The following TTN variants were observed in gnomAD, a reference collection of about 807,000 sequenced individuals.
The protein encoded by TTN is titin, also known as connectin.
TTN carries 1,525 observed loss-of-function variants against 3,223.0 expected under a neutral mutation model. The ratio of observed to expected loss-of-function variants is 0.47; its 90% confidence interval spans 0.45 to 0.49. The LOEUF (loss-of-function observed/expected upper bound fraction) is 0.49. Ranked by LOEUF, TTN falls within the 20% of genes least tolerant of loss-of-function variation. TTN has a pLI of 0.00. For missense variants in TTN, 40,786 were observed against 43,424.0 expected (o/e 0.94, Z 5.40); for synonymous variants, 14,094 against 15,161.0 (o/e 0.93, Z 5.17).
intron 288 of TTN, 153 bp downstream of exon 288, chr2:178,600,701 G>A: frequency 1.2e-6 from 1 of 863,136 alleles, no homozygotes; most frequent in South Asian, 1.4e-5. Flanking sequence ...GGAAATTGAA[G>A]GAATGAGTAA....
chr2:178,544,596 T>A, intron 344 of TTN, 90 bp from the exon 345 acceptor site: 1 of 1,127,906 alleles, frequency 8.9e-7, no homozygotes, highest in Non-Finnish European at 1.3e-6. Flanking sequence ...CACAAAGGCA[T>A]TATTGCTCTT....
chr2:178,729,728 A>C lies in TTN; in HGVS notation c.18525T>G (p.Thr6175=). Reference sequence around the variant, plus strand: ...CGTCATTTCGAGCTTCACACACATAAGTCCCACTATTTTCTACCCTGGCAC... The same window carrying C: ...CGTCATTTCGAGCTTCACACACATACGTCCCACTATTTTCTACCCTGGCAC... ...ISGARVENSG[T]YVCEARNDAG... Residue 6175 remains threonine (T), a synonymous_variant, in exon 63 of 363, where the codon ACT becomes ACG. Transcript: ENST00000589042. 1 of 1,613,770 alleles carries C rather than the reference A, an allele frequency of 6.2e-7. No homozygotes were observed. The highest frequency in any genetic ancestry group is 8.5e-7 in the Non-Finnish European group (1 of 1,179,732).
Position 178,548,910 on chromosome 2 carries a change from C to T in TTN, c.92716G>A (p.Asp30906Asn), listed in dbSNP as rs534881266. The change falls in exon 339 of 363, where the codon GAC (aspartate) becomes AAC (asparagine). Residue 30906 changes from aspartate to asparagine, a missense_variant. Coordinates refer to ENST00000589042, the MANE Select transcript of TTN (RefSeq NM_001267550.2). This position sits in a 1 kb window ranked among gnomAD's most constrained non-coding sequence, Gnocchi z 4.3. ...ATTGTGCCAGTCACTTCACAGCTGT[C>T]GCCTTTTCCAGCACCATTGATAGCA... is the stretch of plus-strand genomic sequence containing the variant. Reference protein sequence around the residue: ...VSAINGAGKGDSCEVTGTIKA... With the variant: ...VSAINGAGKGNSCEVTGTIKA... 67 of 1,613,868 alleles carry T rather than the reference C, an allele frequency of 4.2e-5. No homozygotes were observed. Among genetic ancestry groups the T allele is most frequent in the Admixed American group, 8.3e-5 (5 of 60,012 alleles).
chr2:178,562,824 G>C lies in TTN; in HGVS notation c.83308C>G (p.Pro27770Ala). 6.2e-7 allele frequency: 1 copy of C among 1,612,906 alleles called. No individual in the cohort carries two copies. The highest frequency in any genetic ancestry group is 8.5e-7 in the Non-Finnish European group (1 of 1,179,482). ...NVRVLDSPSAPVNLTIREVKK... is the reference protein window; with the variant it reads ...NVRVLDSPSAAVNLTIREVKK... ...ACTTCTCTTATGGTCAAATTCACAGGGGCACTTGGTGAGTCAAGAACTCTG... is the reference window on the plus strand; with the variant it reads ...ACTTCTCTTATGGTCAAATTCACAGCGGCACTTGGTGAGTCAAGAACTCTG... Residue 27770 changes from proline to alanine, a missense_variant, in exon 326 of 363, where the codon CCT becomes GCT. By Grantham distance (27) the Pro-to-Ala change is conservative. Transcript: ENST00000589042.
rs778254289 is a variant in TTN at position 178,560,468 on chromosome 2, G to A, written c.85664C>T (p.Thr28555Met). 14 of 1,613,408 alleles carry A rather than the reference G, an allele frequency of 8.7e-6. No individual in the cohort carries two copies. The highest frequency in any genetic ancestry group is 5.5e-5 in the South Asian group (5 of 91,038). The part of the protein sequence containing the change: ...LDPFTVPSPP[T>M]SLEITSVTKE... ...GGTCACAGAAGTAATTTCCAAAGACGTGGGTGGACTTGGAACTGTAAATGG... is the reference window on the plus strand; with the variant it reads ...GGTCACAGAAGTAATTTCCAAAGACATGGGTGGACTTGGAACTGTAAATGG... The change falls in exon 326 of 363, where the codon ACG becomes ATG. Residue 28555 changes from threonine to methionine, a missense_variant. Thr to Met is a moderately conservative substitution (Grantham distance 81, BLOSUM62 -1). Coordinates refer to ENST00000589042, the MANE Select transcript of TTN (RefSeq NM_001267550.2).
rs149309433 is a variant in TTN, at chr2:178,670,360, T to C, written c.35309-65A>G. ...ATACAATTTTTTAACAAGCAGAGCA[T>C]GAGAGATATAAACACAGAACAGAAC... On this transcript the variant is annotated intron_variant, in intron 156 of 362. Transcript: ENST00000589042. 5.6e-4 allele frequency: 534 copies of C among 962,008 alleles called. 2 individuals carry two copies. In the African/African-American group the frequency reaches 8.4e-3, roughly 15 times the overall value. 59.6% of individuals were successfully genotyped at this position (962,008 alleles called of 1,614,324 possible).
intron 359 of TTN, 92 bp from the exon 360 acceptor site, chr2:178,529,311 A>G (rs1687982922): frequency 9.7e-7 from 1 of 1,026,930 alleles, no homozygotes. Flanking sequence ...ACATAAAAAG[A>G]AAAAAAGTCA....
At chr2:178,749,715 A>G (rs1284266597) in intron 47 of TTN, 3 of 1,612,862 alleles carry the variant, frequency 1.9e-6, no homozygotes, top group African/African-American at 1.3e-5. Flanking sequence ...ACACATTTAT[A>G]TTTTCCAGAA....
intron 223 of TTN, 117 bp downstream of exon 223, chr2:178,639,582 G>A (rs865982680): frequency 1.3e-5 from 14 of 1,056,864 alleles, no homozygotes; most frequent in Middle Eastern, 2.2e-4. Context: ...ATAAACCTCC[G>A]AAGTTGAAAT....
rs910182014 is a variant in TTN, at chr2:178,576,618, G to A, written c.69626C>T (p.Thr23209Ile). The A allele has an allele frequency of 6.2e-7, 1 of 1,613,564 alleles. No homozygotes were observed. Among genetic ancestry groups the A allele is most frequent in the Non-Finnish European group, 8.5e-7 (1 of 1,179,620 alleles). ...TTCTGCACTGACACGGAATTCGTAG[G>A]TGCTTCCTTCTTGCAGTCCTGTTAC... ...CKVTGLQEGSTYEFRVSAENR... is the reference protein window; with the variant it reads ...CKVTGLQEGSIYEFRVSAENR... The change falls in exon 325 of 363, where the codon ACC (threonine) becomes ATC (isoleucine). Residue 23209 changes from threonine (T) to isoleucine (I), a missense_variant. Thr to Ile is a moderately conservative substitution (Grantham distance 89, BLOSUM62 -1). Transcript: ENST00000589042. This position sits in a 1 kb window ranked among gnomAD's most constrained non-coding sequence, Gnocchi z 4.3.
intron 294 of TTN, 86 bp from the exon 295 acceptor site, chr2:178,595,895 ATGT>A (rs1270727821): frequency 5.1e-6 from 7 of 1,370,686 alleles, no homozygotes; most frequent in Non-Finnish European, 6.9e-6. Flanking sequence ...GGAGACAAAA[ATGT>A]TGTTTTGAAG....
In TTN at chr2:178,769,825, A is replaced by T; in HGVS notation, c.8756T>A (p.Val2919Glu). The T allele has an allele frequency of 6.2e-7, 1 of 1,613,904 alleles. No homozygotes were observed. The highest frequency in any genetic ancestry group is 8.5e-7 in the Non-Finnish European group (1 of 1,179,968). Reference protein sequence around the residue: ...NVPSMWLKNGVEIEMSEKFKI... With the variant: ...NVPSMWLKNGEEIEMSEKFKI... The stretch of plus-strand genomic sequence containing the variant: ...GAACTTTTCACTCATCTCAATTTCC[A>T]CACCATTCTTCAGCCACATGGAAGG... Residue 2919 changes from valine to glutamate, a missense_variant, in exon 37 of 363, where the codon GTG becomes GAG. Physicochemically the swap from Val to Glu is moderately radical, Grantham distance 121 (BLOSUM62 -2). Transcript: ENST00000589042.
rs760865833 is a variant in TTN, at chr2:178,572,301, C to T, written c.73831G>A (p.Val24611Met). 1.2e-6 allele frequency: 2 copies of T among 1,611,942 alleles called. No homozygotes were observed. The highest frequency in any genetic ancestry group is 1.7e-6 in the Non-Finnish European group (2 of 1,178,346). The change falls in exon 326 of 363, where the codon GTG becomes ATG. Residue 24611 changes from valine (V) to methionine (M), a missense_variant. Val to Met is a conservative substitution (Grantham distance 21). Coordinates refer to ENST00000589042, the MANE Select transcript of TTN (RefSeq NM_001267550.2). ...GGAAGAGGTCGTTCTGATGCTTTCA[C>T]AGATTCTGCGGTTTCAGCAGGCAGC... ...IGLPAETAES[V>M]KASERPLPPG...
At chr2:178,751,750 C>G (rs746133271) in intron 47 of TTN, 1 of 1,613,022 alleles carries the variant, frequency 6.2e-7, no homozygotes, top group African/African-American at 1.3e-5. Context: ...CTTTTATAAT[C>G]CGACGAAGAC....
rs765913263 is a variant in TTN at position 178,584,815 on chromosome 2, G to A, written c.64826C>T (p.Thr21609Met). 1.2e-5 allele frequency: 20 copies of A among 1,613,236 alleles called. No homozygotes were observed. Among genetic ancestry groups the A allele is most frequent in the African/African-American group, 8.0e-5 (6 of 74,848 alleles). Residue 21609 changes from threonine (T) to methionine (M), a missense_variant, in exon 310 of 363, where the codon ACG (threonine) becomes ATG (methionine). Physicochemically the swap from Thr to Met is moderately conservative, Grantham distance 81. Coordinates refer to ENST00000589042, the MANE Select transcript of TTN (RefSeq NM_001267550.2). ...AGTTTTTGTGACTGAAGCTAGAGCC[G>A]TGACCCAGTCACCTCGGCTTACATC... ...KCDVSRGDWV[T>M]ALASVTKTSC...
intron 27 of TTN, 22 bp from the exon 28 acceptor site, chr2:178,777,071 A>C (rs1320056367): frequency 1.2e-6 from 2 of 1,614,004 alleles, no homozygotes; most frequent in South Asian, 2.2e-5. Flanking sequence ...TGGGGGAGGG[A>C]ATAATCAATA....
At chr2:178,692,269 C>T (rs1428756556) in intron 120 of TTN, among the ~76,000 whole-genome samples, 170 bp from the exon 121 acceptor site, 1 of 152,042 alleles carries the variant, frequency 6.6e-6, no homozygotes, top group Admixed American at 6.6e-5. Context: ...ACCATATAGA[C>T]ATTACATACA....
At chr2:178,753,033 T>TC in intron 47 of TTN, 91 bp downstream of exon 47, 1 of 1,015,662 alleles carries the variant, frequency 9.8e-7, no homozygotes, top group Non-Finnish European at 1.5e-6. Flanking sequence ...GTCATTTTTT[T>TC]CTCAATAATA....
rs1471597327 is a variant in TTN at position 178,682,710 on chromosome 2, T to G, written c.33081A>C (p.Glu11027Asp). Residue 11027 changes from glutamate to aspartate, a missense_variant, in exon 135 of 363, where the codon GAA becomes GAC. Glu to Asp is a conservative substitution (Grantham distance 45). Coordinates refer to ENST00000589042, the MANE Select transcript of TTN (RefSeq NM_001267550.2). ...TTTTGCTCATACCTGTGATGTATTC[T>G]TCATGCTCTTCATATCGTTCATACT... ...EREYERYEEH[E>D]EYITEPEKPI... The G allele has an allele frequency of 6.2e-7, 1 of 1,611,994 alleles. No individual in the cohort carries two copies. The highest frequency in any genetic ancestry group is 8.5e-7 in the Non-Finnish European group (1 of 1,178,892).
Sources: allele counts gnomAD v4.1 joint callset (sites outside exome capture counted in the v4.1 genomes callset), GRCh38; gene constraint gnomAD v4.1.1; non-coding constraint Gnocchi (gnomAD v3.1); transcripts MANE v1.5; gene names NCBI Gene and HGNC (gene_info 2026-07-23, HGNC 2026-07-21).